ITGB6: variants seen among roughly 807,000 people sequenced by gnomAD.
ITGB6 encodes the protein integrin beta-6.
A neutral mutation model predicts 84.5 loss-of-function variants in ITGB6; 80 were observed. The observed-to-expected ratio is 0.95, with a 90% CI of 0.79 to 1.14. The LOEUF (loss-of-function observed/expected upper bound fraction) is 1.14. Among genes scored for constraint, ITGB6 ranks in the 50% most tolerant of loss-of-function variants. The pLI is 0.00. For missense variants in ITGB6, 1,006 were observed against 968.0 expected (o/e 1.04, Z -0.52); for synonymous variants, 383 against 354.9 (o/e 1.08, Z -0.89).
intron 7 of ITGB6, among the ~76,000 whole-genome samples, chr2:160,159,376 T>A (rs2105850046): frequency 6.6e-6 from 1 of 152,292 alleles, no homozygotes; most frequent in South Asian, 2.1e-4. Flanking sequence ...GAACAGTCTA[T>A]CAGAGGGCTT....
At chr2:160,155,471 T>A (rs983925735) in intron 7 of ITGB6, among the ~76,000 whole-genome samples, 1 of 152,190 alleles carries the variant, frequency 6.6e-6, no homozygotes, top group South Asian at 2.1e-4. Context: ...GATAATGATG[T>A]ATCAATGTAG....
intron 10 of ITGB6, 26 bp downstream of exon 10, chr2:160,137,408 G>A (rs1296891466): frequency 6.3e-7 from 1 of 1,583,926 alleles, no homozygotes; most frequent in South Asian, 1.2e-5. Context: ...CAGCCACAGG[G>A]TAAGATGGAT....
At chr2:160,111,104 TGAG>T (rs199659915) in intron 13 of ITGB6, among the ~76,000 whole-genome samples, 44,895 of 129,072 alleles carry the variant, frequency 0.35, 8,344 homozygotes, top group Non-Finnish European at 0.44. Flanking sequence ...AGCTCAGTAA[TGAG>T]GAGGCATTTA....
intron 11 of ITGB6, among the ~76,000 whole-genome samples, chr2:160,124,239 T>C (rs1388899900): frequency 1.3e-5 from 2 of 152,244 alleles, no homozygotes; most frequent in Non-Finnish European, 2.9e-5. Flanking sequence ...CGTATGTTCC[T>C]AAAATATGAT....
intron 2 of ITGB6, among the ~76,000 whole-genome samples, chr2:160,198,860 A>T (rs1686443330): frequency 6.6e-6 from 1 of 152,250 alleles, no homozygotes; most frequent in Non-Finnish European, 1.5e-5. Flanking sequence ...AACTCTGATT[A>T]TCCAGACAGC....
Position 160,138,219 on chromosome 2 carries a change from A to T in ITGB6, c.1108-20T>A. ...CAGTTCCTTTAGTTACAACATAAAG[A>T]GTTCAGTGAAGTCACAACCCCAAAA... On this transcript the variant is annotated intron_variant, in intron 8 of 14. Coordinates refer to ENST00000283249, the MANE Select transcript of ITGB6 (RefSeq NM_000888.5). The T allele has an allele frequency of 1.3e-6, 2 of 1,566,482 alleles. No individual in the cohort carries two copies. The highest frequency in any genetic ancestry group is 1.7e-6 in the Non-Finnish European group (2 of 1,160,416).
intron 7 of ITGB6, among the ~76,000 whole-genome samples, chr2:160,156,083 A>C (rs1016493202): frequency 1.1e-4 from 17 of 152,350 alleles, no homozygotes; most frequent in African/African-American, 3.6e-4. Flanking sequence ...GACTATTCCA[A>C]GACAAATGCA....
rs770103682 is a variant in ITGB6 at position 160,137,797 on chromosome 2, T to C, written c.1297A>G (p.Ile433Val). 1.5e-5 allele frequency: 25 copies of C among 1,614,168 alleles called. No individual in the cohort carries two copies. The South Asian group carries it at 2.4e-4, about 16-fold the overall frequency. Residue 433 changes from isoleucine (I) to valine (V), a missense_variant, in exon 10 of 15, where the codon ATT becomes GTT. By Grantham distance (29) the Ile-to-Val change is conservative (BLOSUM62 3). Coordinates refer to ENST00000283249, the MANE Select transcript of ITGB6 (RefSeq NM_000888.5). ...CCCAGCCCCACAGGCTTTATGATAATGTGCCTGCTTCTTCTCTCGCAGTGT... is the reference window on the plus strand; with the variant it reads ...CCCAGCCCCACAGGCTTTATGATAACGTGCCTGCTTCTTCTCTCGCAGTGT... ...IPHCERRSRHIIIKPVGLGDA... is the reference protein window; with the variant it reads ...IPHCERRSRHVIIKPVGLGDA...
chr2:160,158,548 G>A (rs1684708731), intron 7 of ITGB6, among the ~76,000 whole-genome samples: 1 of 152,206 alleles, frequency 6.6e-6, no homozygotes, highest in Non-Finnish European at 1.5e-5. Flanking sequence ...GACCTTTGCT[G>A]ACTAATTCAA....
Position 160,138,257 on chromosome 2 carries a change from G to C in ITGB6, c.1108-58C>G, listed in dbSNP as rs57436568. 15,066 of 1,475,824 alleles carry C rather than the reference G, an allele frequency of 0.01. 959 individuals carry two copies. The African/African-American group carries it at 0.16, about 16-fold the overall frequency. The allele number at this position is 1,475,824 out of a possible 1,614,324, so 91.4% of individuals were successfully genotyped here. On this transcript the variant is annotated intron_variant, in intron 8 of 14. Transcript: ENST00000283249. ...CACAACCCCAAAAATATAGCCAGAA[G>C]AAGAAACCGTGAATCATGTTCATTG...
At chr2:160,145,049 A>G (rs556378130) in intron 7 of ITGB6, among the ~76,000 whole-genome samples, 1 of 152,216 alleles carries the variant, frequency 6.6e-6, no homozygotes, top group Non-Finnish European at 1.5e-5. Context: ...TAGTATTATG[A>G]TTACTGTAAA....
rs189209350 is a variant in ITGB6 at position 160,170,228 on chromosome 2, A to C, written c.922-921T>G. 6.2e-4 allele frequency among the ~76,000 whole-genome samples: 94 copies of C among 152,294 alleles called. No homozygotes were observed. In the East Asian group the frequency reaches 0.016, roughly 26 times the overall value. On this transcript the variant is annotated intron_variant, in intron 6 of 14. Transcript: ENST00000283249. ...TAAGCCCTCCTGTACACTCATATGG[A>C]ATATTCACATATTCTTAGTACTACT...
chr2:160,150,350 C>T (rs1684365660), intron 7 of ITGB6, among the ~76,000 whole-genome samples: 1 of 152,124 alleles, frequency 6.6e-6, no homozygotes, highest in Non-Finnish European at 1.5e-5. Flanking sequence ...TCATATCCAG[C>T]CAAACTAAGC....
intron 10 of ITGB6, among the ~76,000 whole-genome samples, chr2:160,132,293 C>T (rs1002499752): frequency 5.3e-5 from 8 of 151,836 alleles, no homozygotes; most frequent in South Asian, 2.1e-4. Context: ...AAATGTGTCT[C>T]GATCAGAACA....
At position 160,101,499 on chromosome 2, in the gene ITGB6, AG is replaced by A; in HGVS notation, c.*236del. On this transcript the variant is annotated 3_prime_UTR_variant, in exon 15 of 15. Coordinates refer to ENST00000283249, the MANE Select transcript of ITGB6 (RefSeq NM_000888.5). ...TGATTTTTTGAAGCATTAATGCAAC[AG>A]AGTTAGTATTCCTCAAATGATCCCC... The A allele has an allele frequency of 2.4e-6, 1 of 422,326 alleles. No homozygotes were observed. 26.2% of individuals were successfully genotyped at this position (422,326 alleles called of 1,614,324 possible).
chr2:160,107,671 C>T lies in ITGB6; in HGVS notation c.2268+8G>A. 6.2e-7 allele frequency: 1 copy of T among 1,613,740 alleles called. No individual in the cohort carries two copies. The highest frequency in any genetic ancestry group is 8.5e-7 in the Non-Finnish European group (1 of 1,179,680). On this transcript the variant is annotated splice_region_variant and intron_variant, in intron 14 of 14. Coordinates refer to ENST00000283249, the MANE Select transcript of ITGB6 (RefSeq NM_000888.5). Reference sequence around the variant, plus strand: ...CTAGACAAGGAGTAGCCCTAAGTTTCCACATACCGTTTGCCACTTGGCTTT... The same window carrying T: ...CTAGACAAGGAGTAGCCCTAAGTTTTCACATACCGTTTGCCACTTGGCTTT...
intron 7 of ITGB6, among the ~76,000 whole-genome samples, chr2:160,153,488 G>C (rs1684506810): frequency 6.6e-6 from 1 of 152,110 alleles, no homozygotes; most frequent in Non-Finnish European, 1.5e-5. Flanking sequence ...AAAAACCCTA[G>C]AAGAAAACCT....
At chr2:160,109,585 T>G (rs1697043535) in intron 13 of ITGB6, among the ~76,000 whole-genome samples, 1 of 152,220 alleles carries the variant, frequency 6.6e-6, no homozygotes, top group Non-Finnish European at 1.5e-5. Flanking sequence ...ATTTCTCAAT[T>G]AAAGATGTTG....
intron 10 of ITGB6, among the ~76,000 whole-genome samples, chr2:160,129,954 A>G (rs1574063430): frequency 6.6e-6 from 1 of 151,990 alleles, no homozygotes; most frequent in African/African-American, 2.4e-5. Context: ...GTGTGTATAC[A>G]CACACACACA....
Sources: gnomAD v4.1 joint callset for allele counts (sites outside exome capture counted in the v4.1 genomes callset) on GRCh38, gnomAD v4.1.1 for gene constraint, MANE v1.5 for transcripts, NCBI Gene and HGNC (gene_info 2026-07-23, HGNC 2026-07-21) for gene names.